Variants in GRM8 observed in about 807,000 individuals in gnomAD.
GRM8 encodes metabotropic glutamate receptor 8.
GRM8 carries 47 observed loss-of-function variants against 87.2 expected under a neutral mutation model. The observed-to-expected ratio is 0.54, with a 90% confidence interval of 0.43 to 0.69. The LOEUF (loss-of-function observed/expected upper bound fraction) is 0.69, where lower values mean the gene tolerates loss of function less well. GRM8 is among the 30% of genes least tolerant of loss of function. GRM8 has a pLI of 0.00. For synonymous variants in GRM8, 396 were observed against 404.5 expected, an observed-to-expected ratio of 0.98 and a Z score of 0.25; for missense variants, 1,019 against 1,139.2, an observed-to-expected ratio of 0.89 and a Z score of 1.52.
chr7:127,087,675 GC>G (rs1823650388), intron 3 of GRM8, among the ~76,000 whole-genome samples: 4 of 152,214 alleles, frequency 2.6e-5, no homozygotes, highest in Admixed American at 2.0e-4. Flanking sequence ...CTAGATATCT[GC>G]TGTACAACGC....
chr7:126,731,506 G>C (rs1813577747), intron 7 of GRM8, among the ~76,000 whole-genome samples: 1 of 152,026 alleles, frequency 6.6e-6, no homozygotes, highest in South Asian at 2.1e-4. Flanking sequence ...GTAAACAAAA[G>C]AGAAACAAAG....
At chr7:126,808,372 T>A (rs1354015019) in intron 6 of GRM8, among the ~76,000 whole-genome samples, 1 of 152,184 alleles carries the variant, frequency 6.6e-6, no homozygotes, top group Non-Finnish European at 1.5e-5. Context: ...TGTCCCATCA[T>A]GCAAAATAAA....
intron 2 of GRM8, among the ~76,000 whole-genome samples, chr7:127,160,783 A>AC (rs34862740): frequency 1.4e-5 from 2 of 140,594 alleles, no homozygotes; most frequent in African/African-American, 2.6e-5. Flanking sequence ...GATAGAGGTC[A>AC]CCCCCCTCCC....
At chr7:126,642,519 A>C (rs1453543956) in intron 7 of GRM8, among the ~76,000 whole-genome samples, 1 of 152,120 alleles carries the variant, frequency 6.6e-6, no homozygotes, top group Non-Finnish European at 1.5e-5. Flanking sequence ...GGACGCCTGT[A>C]GTCCCAGCTA....
At chr7:127,188,919 T>C (rs1048166298) in intron 2 of GRM8, among the ~76,000 whole-genome samples, 2 of 152,332 alleles carry the variant, frequency 1.3e-5, no homozygotes, top group East Asian at 3.9e-4. Context: ...TATTAAACGA[T>C]CACATAAACA....
chr7:126,683,932 G>A (rs560499828), intron 7 of GRM8, among the ~76,000 whole-genome samples: 181 of 152,240 alleles, frequency 1.2e-3, no homozygotes, highest in African/African-American at 4.2e-3. Context: ...GAGGTTTTTA[G>A]ATAACCCCAA....
chr7:126,581,583 T>C (rs1005148467), intron 8 of GRM8, among the ~76,000 whole-genome samples: 1 of 152,116 alleles, frequency 6.6e-6, no homozygotes, highest in Non-Finnish European at 1.5e-5. Context: ...CTGTTTACTC[T>C]ATACAAATAA....
Position 127,015,206 on chromosome 7 carries a change from A to G in GRM8, c.727+91290T>C, listed in dbSNP as rs867242665. Among the ~76,000 whole-genome samples, 191 of 114,618 alleles carry G rather than the reference A, an allele frequency of 1.7e-3. 4 individuals are homozygous for G. Among genetic ancestry groups the G allele is most frequent in the African/African-American group, 2.6e-3 (67 of 26,200 alleles). 75.2% of individuals were successfully genotyped at this position (114,618 alleles called of 152,430 possible). A position where few individuals can be genotyped will look rare whatever the true frequency, so the allele number is the denominator to read the frequency against. ...GAAGAAGAAGAAGAAGAAGAAGAAG[A>G]AGAAGAAGAAGAAGAAGAAGAAGAA... On this transcript the variant is annotated intron_variant, in intron 3 of 10. Coordinates refer to ENST00000339582, the MANE Select transcript of GRM8 (RefSeq NM_000845.3).
chr7:127,243,263 A>G lies in GRM8; in HGVS notation c.-59T>C. 4.7e-6 allele frequency: 7 copies of G among 1,492,610 alleles called. No individual in the cohort carries two copies. In the South Asian group the frequency reaches 8.7e-5, roughly 19 times the overall value. The allele number at this position is 1,492,610 out of a possible 1,614,324, so 92.5% of individuals were successfully genotyped here. On this transcript the variant is annotated 5_prime_UTR_variant, in exon 2 of 11. Transcript: ENST00000339582. ...AAAGTTTATTCTTGCCACAGAAGAA[A>G]GGGCACCACCTGAGGCTGCACCTTC...
At chr7:126,649,499 T>C (rs1803548656) in intron 7 of GRM8, among the ~76,000 whole-genome samples, 1 of 152,140 alleles carries the variant, frequency 6.6e-6, no homozygotes, top group African/African-American at 2.4e-5. Context: ...TGAGGGACAT[T>C]GTGATTGTGT....
intron 6 of GRM8, among the ~76,000 whole-genome samples, chr7:126,817,738 C>T (rs887635966): frequency 1.3e-5 from 2 of 151,950 alleles, no homozygotes; most frequent in African/African-American, 4.8e-5. Context: ...AAAGGGAGGT[C>T]GTTTGAGCAT....
intron 3 of GRM8, among the ~76,000 whole-genome samples, chr7:127,068,083 C>A (rs1002808803): frequency 5.9e-5 from 9 of 152,080 alleles, no homozygotes; most frequent in African/African-American, 2.2e-4. Flanking sequence ...TATGGTGAGC[C>A]TTGAGTTTTC....
rs868528287 is a variant in GRM8 at position 126,934,827 on chromosome 7, G to C, written c.728-30144C>G. ...AGAGGAATACTTTGACTCCTTGGAG[G>C]TTTGGAGCCATGTGTCAAAAGATTG... On this transcript the variant is annotated intron_variant, in intron 3 of 10. Coordinates refer to ENST00000339582, the MANE Select transcript of GRM8 (RefSeq NM_000845.3). Among the ~76,000 whole-genome samples, 7 of 152,300 alleles carry C rather than the reference G, an allele frequency of 4.6e-5. No individual in the cohort carries two copies. The South Asian group carries it at 1.5e-3, about 32-fold the overall frequency.
At chr7:126,624,084 G>A (rs898792273) in intron 7 of GRM8, among the ~76,000 whole-genome samples, 4 of 152,152 alleles carry the variant, frequency 2.6e-5, no homozygotes, top group Non-Finnish European at 5.9e-5. Flanking sequence ...ACTCTTAGCA[G>A]GTATCCTGCA....
intron 7 of GRM8, among the ~76,000 whole-genome samples, chr7:126,703,308 A>G (rs1810142337): frequency 6.6e-6 from 1 of 152,204 alleles, no homozygotes; most frequent in African/African-American, 2.4e-5. Context: ...AACAGAGACG[A>G]ATAGGATAGA....
Position 127,179,120 on chromosome 7 carries a change from A to G in GRM8, c.510+63575T>C, listed in dbSNP as rs191349663. Among the ~76,000 whole-genome samples the G allele has an allele frequency of 8.4e-3, 1,277 of 152,286 alleles. 10 individuals carry two copies. The highest frequency in any genetic ancestry group is 0.014 in the Non-Finnish European group (968 of 68,000). On this transcript the variant is annotated intron_variant, in intron 2 of 10. Coordinates refer to ENST00000339582, the MANE Select transcript of GRM8 (RefSeq NM_000845.3). ...TCTGCTGCCTTCAGGAGACTCACCT[A>G]CCACATACAGACTCACATAAACTTA...
At chr7:127,157,618 C>T (rs919663478) in intron 2 of GRM8, among the ~76,000 whole-genome samples, 46 of 151,850 alleles carry the variant, frequency 3.0e-4, no homozygotes, top group Admixed American at 2.0e-4. Flanking sequence ...TTTGAAGAAC[C>T]ACAGCCAACC....
intron 8 of GRM8, among the ~76,000 whole-genome samples, chr7:126,580,488 G>A (rs1008287900): frequency 1.4e-4 from 21 of 151,796 alleles, no homozygotes; most frequent in African/African-American, 3.9e-4. Flanking sequence ...CTGCATTCTC[G>A]TCTACTTAAG....
At chr7:127,199,227 C>A (rs1319902401) in intron 2 of GRM8, among the ~76,000 whole-genome samples, 1 of 152,186 alleles carries the variant, frequency 6.6e-6, no homozygotes, top group Non-Finnish European at 1.5e-5. Flanking sequence ...TCCCAAAGTG[C>A]AGGTGTTACA....
Sources: allele counts gnomAD v4.1 joint callset (sites outside exome capture counted in the v4.1 genomes callset), GRCh38; gene constraint gnomAD v4.1.1; transcripts MANE v1.5; gene names NCBI Gene and HGNC (gene_info 2026-07-23, HGNC 2026-07-21).